Variants in PDK3 observed in about 807,000 individuals in gnomAD.
PDK3 encodes pyruvate dehydrogenase kinase, isozyme 3.
In PDK3, 12 loss-of-function variants were observed where a neutral mutation model predicts 32.0. The observed-to-expected ratio is 0.37, with a 90% confidence interval of 0.24 to 0.61. PDK3 has a LOEUF of 0.61. PDK3 is among the 20% of genes least tolerant of loss of function. The pLI, the probability that PDK3 is intolerant of heterozygous loss-of-function variation, is 0.65. For missense variants in PDK3, 188 were observed against 316.9 expected (o/e 0.59, Z 3.09); for synonymous variants, 122 against 116.3 (o/e 1.05, Z -0.31).
chrX:24,549,013 C>T (rs1923049985), exon 12 of PDK3: 2 of 111,849 alleles, frequency 1.8e-5, no homozygotes, highest in South Asian at 7.4e-4. Context: ...TTTTTAAAAG[C>T]ACTATATACT....
intron 7 of PDK3, among the ~76,000 whole-genome samples, chrX:24,527,285 C>T (rs1266232234): frequency 6.6e-5 from 5 of 75,536 alleles, no homozygotes; most frequent in African/African-American, 2.2e-4. Context: ...ATTTAAATAC[C>T]GTAAAGCGAA....
rs983322249 is a variant in PDK3, at chrX:24,503,228, A to T, written c.321-99A>T. 11 of 492,311 alleles carry T rather than the reference A, an allele frequency of 2.2e-5. No individual in the cohort carries two copies. The South Asian group carries it at 7.4e-4, about 33-fold the overall frequency. The allele number at this position is 492,311 out of a possible 1,213,427, so 40.6% of individuals were successfully genotyped here. A position where few individuals can be genotyped will look rare whatever the true frequency, so the allele number is the denominator to read the frequency against. On this transcript the variant is annotated intron_variant, in intron 3 of 10. Transcript: ENST00000379162. ...TAAGAATAATGTCTCTACTTATAAA[A>T]ATACCAGCAGACAACTAGTCTGGGG...
intron 1 of PDK3, among the ~76,000 whole-genome samples, chrX:24,491,366 C>CA (rs1276554216): frequency 9.1e-6 from 1 of 110,275 alleles, no homozygotes; most frequent in African/African-American, 3.3e-5. Context: ...GGGACCACTA[C>CA]AGTGGGAGTT....
chrX:24,549,848 A>G (rs182569315), exon 12 of PDK3: 1 of 112,064 alleles, frequency 8.9e-6, no homozygotes, highest in Non-Finnish European at 1.9e-5. Context: ...ATCTAAAACA[A>G]CTTGTGACTA....
chrX:24,485,302 C>T (rs1170608007), intron 1 of PDK3, among the ~76,000 whole-genome samples: 5 of 112,143 alleles, frequency 4.5e-5, no homozygotes, highest in Non-Finnish European at 9.4e-5. Context: ...GAGCTGGGAT[C>T]GTGCCTCTGC....
chrX:24,496,838 G>C (rs1402469186), intron 2 of PDK3, among the ~76,000 whole-genome samples: 1 of 84,505 alleles, frequency 1.2e-5, no homozygotes, highest in African/African-American at 4.8e-5. Flanking sequence ...CTGGAGTGCA[G>C]TGGCGGGATC....
downstream of PDK3, among the ~76,000 whole-genome samples, chrX:24,535,935 AAAGG>A (rs1213677720): frequency 9.7e-6 from 1 of 103,573 alleles, no homozygotes; most frequent in East Asian, 3.0e-4. Flanking sequence ...AGAAGGAAGG[AAAGG>A]AAGGAAAAGA....
Position 24,494,791 on chromosome X carries a change from A to G in PDK3, c.156A>G (p.Glu52=). The change falls in exon 2 of 11, where the codon GAA becomes GAG. Residue 52 remains glutamate (E), a synonymous_variant. Transcript: ENST00000379162. The part of the protein sequence containing the change: ...EKTSYMFLRK[E]LPVRLANTMR... ...CTTCATATATGTTTCTACGAAAGGA[A>G]CTTCCTGTGCGGCTGGCTAACACAA... 2.5e-6 allele frequency: 3 copies of G among 1,197,835 alleles called. No individual in the cohort carries two copies. In the South Asian group the frequency reaches 5.3e-5, roughly 21 times the overall value.
intron 1 of PDK3, among the ~76,000 whole-genome samples, chrX:24,494,530 T>C (rs1921652800): frequency 8.9e-6 from 1 of 112,425 alleles, no homozygotes; most frequent in Non-Finnish European, 1.9e-5. Context: ...AAAACTGCTT[T>C]CAAAGTTGCC....
In PDK3 at chrX:24,465,452, G is replaced by A; in HGVS notation, c.-4G>A. ...AGGCGGGTCTGTGCGCCGCCCGGGC[G>A]AGGATGCGGCTGTTCCGGTGGCTGC... is the stretch of plus-strand genomic sequence containing the variant. On this transcript the variant is annotated 5_prime_UTR_variant, in exon 1 of 11. Transcript: ENST00000379162. 8.3e-7 allele frequency: 1 copy of A among 1,198,810 alleles called. No homozygotes were observed.
chrX:24,530,357 C>T (rs976662357), intron 9 of PDK3, among the ~76,000 whole-genome samples: 1 of 111,658 alleles, frequency 9.0e-6, no homozygotes, highest in Non-Finnish European at 1.9e-5. Flanking sequence ...AATTGCTGCT[C>T]CTAGTAGCCA....
intron 5 of PDK3, among the ~76,000 whole-genome samples, chrX:24,518,096 A>G (rs1922301520): frequency 8.9e-6 from 1 of 112,349 alleles, no homozygotes; most frequent in African/African-American, 3.2e-5. Context: ...ATATTTTGGT[A>G]ATAGTATAAG....
Position 24,465,434 on chromosome X carries a change from T to C in PDK3, c.-22T>C, listed in dbSNP as rs72623011. On this transcript the variant is annotated 5_prime_UTR_variant, in exon 1 of 11. Coordinates refer to ENST00000379162, the MANE Select transcript of PDK3 (RefSeq NM_005391.5). ...GCGGCCACCCGGGCGTCTAGGCGGGTCTGTGCGCCGCCCGGGCGAGGATGC... is the reference window on the plus strand; with the variant it reads ...GCGGCCACCCGGGCGTCTAGGCGGGCCTGTGCGCCGCCCGGGCGAGGATGC... 0.037 allele frequency: 42,785 copies of C among 1,145,267 alleles called. 3,866 individuals carry two copies. The African/African-American group carries it at 0.38, about 10-fold the overall frequency. The allele number at this position is 1,145,267 out of a possible 1,213,427, so 94.4% of individuals were successfully genotyped here.
At chrX:24,492,515 G>A (rs780322019) in intron 1 of PDK3, among the ~76,000 whole-genome samples, 1 of 111,397 alleles carries the variant, frequency 9.0e-6, no homozygotes, top group African/African-American at 3.3e-5. Flanking sequence ...CTTGAACCTG[G>A]GGGGTGGAGG....
intron 5 of PDK3, among the ~76,000 whole-genome samples, chrX:24,512,588 C>A (rs749972740): frequency 9.0e-6 from 1 of 111,364 alleles, no homozygotes; most frequent in South Asian, 3.8e-4. Flanking sequence ...CATGGTGAAA[C>A]CCCATCTCTG....
chrX:24,477,205 C>T (rs1401464443), intron 1 of PDK3, among the ~76,000 whole-genome samples: 5 of 111,943 alleles, frequency 4.5e-5, no homozygotes, highest in Non-Finnish European at 9.4e-5. Flanking sequence ...ATCAGTTTCT[C>T]CGTAGCCCTG....
Position 24,496,568 on chromosome X carries a change from CTT to C in PDK3, c.248+1707_248+1708del, listed in dbSNP as rs763095558. Among the ~76,000 whole-genome samples, 9 of 39,326 alleles carry C rather than the reference CTT, an allele frequency of 2.3e-4. No individual in the cohort carries two copies. In the East Asian group the frequency reaches 2.7e-3, roughly 12 times the overall value. The allele number at this position is 39,326 out of a possible 115,157, so 34.1% of individuals were successfully genotyped here. ...CTAATTGTCCTGATACTACCCCCAT[CTT>C]TTTTTTTTTTTTTTTTTTTTTGCAG... On this transcript the variant is annotated intron_variant, in intron 2 of 10. Transcript: ENST00000379162.
chrX:24,503,377 C>G lies in PDK3; in HGVS notation c.371C>G (p.Pro124Arg), dbSNP rs1921909151. The G allele has an allele frequency of 8.3e-7, 1 of 1,205,876 alleles. No homozygotes were observed. Among genetic ancestry groups the G allele is most frequent in the African/African-American group, 1.7e-5 (1 of 57,707 alleles). ...AGAAATAGACACAATGATGTGGTTC[C>G]TACAATGGCACAAGGAGTGATTGAA... ...KVRNRHNDVV[P>R]TMAQGVIEYK... Residue 124 changes from proline (P) to arginine (R), a missense_variant, in exon 4 of 11, where the codon CCT (proline) becomes CGT (arginine). By Grantham distance (103) the Pro-to-Arg change is moderately radical. Transcript: ENST00000379162.
chrX:24,531,510 A>T, intron 9 of PDK3, 147 bp from the exon 10 acceptor site: 1 of 411,965 alleles, frequency 2.4e-6, no homozygotes, highest in Non-Finnish European at 4.3e-6. Context: ...ATAGAAGAGG[A>T]TATACATCAT....
Sources: allele counts gnomAD v4.1 joint callset (sites outside exome capture counted in the v4.1 genomes callset), GRCh38; gene constraint gnomAD v4.1.1; transcripts MANE v1.5; gene names NCBI Gene and HGNC (gene_info 2026-07-23, HGNC 2026-07-21).